ABLIM1: variants seen among roughly 807,000 people sequenced by gnomAD.
The protein encoded by ABLIM1 is actin-binding LIM protein 1.
Under a neutral mutation model 107.0 loss-of-function variants are expected in ABLIM1, and 40 were observed. The observed-to-expected ratio is 0.37, with a 90% CI of 0.29 to 0.49. The LOEUF is 0.49. ABLIM1 is among the 20% of genes least tolerant of loss of function. The pLI is 0.97. For missense variants in ABLIM1, 857 were observed against 1,008.5 expected (o/e 0.85, Z 2.04); for synonymous variants, 357 against 357.3 (o/e 1.00, Z 0.01).
At chr10:114,511,775 T>C (rs1447458185) in intron 6 of ABLIM1, among the ~76,000 whole-genome samples, 1 of 150,582 alleles carries the variant, frequency 6.6e-6, no homozygotes, top group Non-Finnish European at 1.5e-5. Flanking sequence ...AGGTCATCTG[T>C]AGAGACTAGT....
intron 1 of ABLIM1, among the ~76,000 whole-genome samples, chr10:114,731,719 C>T (rs1447463404): frequency 6.6e-6 from 1 of 152,112 alleles, no homozygotes; most frequent in African/African-American, 2.4e-5. Flanking sequence ...AAGCGATTCT[C>T]CTGCCTCAGC....
chr10:114,440,373 A>G (rs1224439341), intron 19 of ABLIM1, among the ~76,000 whole-genome samples: 1 of 151,992 alleles, frequency 6.6e-6, no homozygotes, highest in African/African-American at 2.4e-5. Context: ...CCCAATGTTC[A>G]TCACACAGAC....
chr10:114,601,709 T>A, intron 2 of ABLIM1, 118 bp downstream of exon 2: 4 of 1,506,188 alleles, frequency 2.7e-6, no homozygotes, highest in Non-Finnish European at 3.7e-6. Context: ...ATGTCAGGGC[T>A]TCTGAGAGCA....
chr10:114,468,616 T>C (rs2065767745), intron 10 of ABLIM1, among the ~76,000 whole-genome samples: 1 of 151,994 alleles, frequency 6.6e-6, no homozygotes, highest in African/African-American at 2.4e-5. Flanking sequence ...GAGTCAGCTG[T>C]AAATATTAGC....
chr10:114,713,997 A>G (rs923098971), intron 1 of ABLIM1, among the ~76,000 whole-genome samples: 2 of 152,202 alleles, frequency 1.3e-5, no homozygotes, highest in Non-Finnish European at 2.9e-5. Flanking sequence ...CTACACACCA[A>G]CCTGGACTTG....
At chr10:114,613,684 A>T (rs765077578) in intron 1 of ABLIM1, 7 of 1,325,960 alleles carry the variant, frequency 5.3e-6, no homozygotes, top group Non-Finnish European at 7.0e-6. Flanking sequence ...CTGCACACCC[A>T]CTGGGAGATG....
At position 114,588,487 on chromosome 10, in the gene ABLIM1, CTTTTTTTTTTTT is replaced by C. The variant is rs34043960; in HGVS notation, c.380-12900_380-12889del. 2.9e-4 allele frequency among the ~76,000 whole-genome samples: 22 copies of C among 76,560 alleles called. 1 individual carries two copies. Among genetic ancestry groups the C allele is most frequent in the Admixed American group, 2.8e-3 (15 of 5,386 alleles). The allele number at this position is 76,560 out of a possible 152,430, so 50.2% of individuals were successfully genotyped here. A position where few individuals can be genotyped will look rare whatever the true frequency, so the allele number is the denominator to read the frequency against. ...CTCCTTTTTTTCTTTTTCTTTCTTT[CTTTTTTTTTTTT>C]TTTTTTTTTTTTTGAGACAGAGTCT... On this transcript the variant is annotated intron_variant, in intron 2 of 22. Transcript: ENST00000533213.
At chr10:114,739,623 T>C (rs953925747) in intron 1 of ABLIM1, among the ~76,000 whole-genome samples, 9 of 152,252 alleles carry the variant, frequency 5.9e-5, no homozygotes, top group Non-Finnish European at 8.8e-5. Flanking sequence ...TCCCATCATA[T>C]ATGCATTGCT....
At chr10:114,551,052 G>T (rs1334910898) in intron 4 of ABLIM1, among the ~76,000 whole-genome samples, 1 of 152,194 alleles carries the variant, frequency 6.6e-6, no homozygotes, top group East Asian at 1.9e-4. Flanking sequence ...GGGAAGGTAG[G>T]AGCAGCATGG....
At chr10:114,509,511 C>A (rs565140616) in intron 6 of ABLIM1, among the ~76,000 whole-genome samples, 1 of 152,240 alleles carries the variant, frequency 6.6e-6, no homozygotes, top group South Asian at 2.1e-4. Flanking sequence ...ACAACCTCTT[C>A]CTCTCCCTCC....
chr10:114,754,216 T>C (rs1004118352), intron 1 of ABLIM1, among the ~76,000 whole-genome samples: 1 of 152,210 alleles, frequency 6.6e-6, no homozygotes, highest in Non-Finnish European at 1.5e-5. Flanking sequence ...TCTAACTTAG[T>C]AGAATTCAAC....
chr10:114,471,233 C>T (rs2066482219), intron 10 of ABLIM1, among the ~76,000 whole-genome samples: 1 of 152,108 alleles, frequency 6.6e-6, no homozygotes, highest in Non-Finnish European at 1.5e-5. Context: ...ACCTCAAAGC[C>T]CAAACTCTTG....
rs145184487 is a variant in ABLIM1 at position 114,572,085 on chromosome 10, A to G, written c.564-679T>C. ...ATTTTGCAAAAATATTGCCTTCTGCATGTAGATAATCAGTTTCTTCTCCCA... is the reference window on the plus strand; with the variant it reads ...ATTTTGCAAAAATATTGCCTTCTGCGTGTAGATAATCAGTTTCTTCTCCCA... On this transcript the variant is annotated intron_variant, in intron 3 of 22. Coordinates refer to ENST00000533213, the MANE Select transcript of ABLIM1 (RefSeq NM_002313.7). Among the ~76,000 whole-genome samples, 207 of 152,360 alleles carry G rather than the reference A, an allele frequency of 1.4e-3. 1 individual carries two copies. Among genetic ancestry groups the G allele is most frequent in the African/African-American group, 4.6e-3 (190 of 41,592 alleles).
intron 1 of ABLIM1, among the ~76,000 whole-genome samples, chr10:114,732,452 T>C (rs1003151802): frequency 1.3e-5 from 2 of 152,188 alleles, no homozygotes; most frequent in African/African-American, 4.8e-5. Flanking sequence ...AACAGTTCTT[T>C]ATATATTCTG....
intron 1 of ABLIM1, among the ~76,000 whole-genome samples, chr10:114,641,528 T>C (rs2078752269): frequency 6.6e-6 from 1 of 152,132 alleles, no homozygotes; most frequent in South Asian, 2.1e-4. Context: ...TGATTATATA[T>C]TAGAAAGCGG....
intron 7 of ABLIM1, among the ~76,000 whole-genome samples, chr10:114,491,012 G>GTGTGTGTGTGTGTGTGTGTATATATATA: frequency 2.2e-5 from 2 of 92,388 alleles, no homozygotes; most frequent in African/African-American, 9.2e-5. Context: ...GTGTGTGTGT[G>GTGTGTGTGTGTGTGTGTGTATATATATA]TATATATATA....
At chr10:114,592,909 A>T (rs2075047211) in intron 2 of ABLIM1, among the ~76,000 whole-genome samples, 1 of 152,114 alleles carries the variant, frequency 6.6e-6, no homozygotes. Flanking sequence ...TTGGTTTGAG[A>T]TGTCTACTGG....
chr10:114,593,514 T>C (rs2139687423), intron 2 of ABLIM1, among the ~76,000 whole-genome samples: 1 of 152,266 alleles, frequency 6.6e-6, no homozygotes, highest in South Asian at 2.1e-4. Flanking sequence ...TGGGTTTGTA[T>C]AAGAGCTGAG....
intron 2 of ABLIM1, among the ~76,000 whole-genome samples, chr10:114,590,217 T>C (rs2074703985): frequency 6.6e-6 from 1 of 152,200 alleles, no homozygotes; most frequent in Admixed American, 6.5e-5. Flanking sequence ...AGGTAGACTC[T>C]ATGATGTTCA....
Sources: gnomAD v4.1 joint callset for allele counts (sites outside exome capture counted in the v4.1 genomes callset) on GRCh38, gnomAD v4.1.1 for gene constraint, MANE v1.5 for transcripts, NCBI Gene and HGNC (gene_info 2026-07-23, HGNC 2026-07-21) for gene names.